Variants in TBCE observed in about 807,000 individuals in gnomAD.
TBCE encodes the protein tubulin folding cofactor E, also known as tubulin-specific chaperone E.
In TBCE, 53 loss-of-function variants were observed where a neutral mutation model predicts 77.0. That is an observed-to-expected ratio of 0.69 (90% CI 0.55 to 0.87). The LOEUF is 0.87. Ranked by LOEUF, TBCE falls within the 40% of genes least tolerant of loss-of-function variation. The pLI, the probability that TBCE is intolerant of heterozygous loss-of-function variation, is 0.00. For missense variants in TBCE, 624 were observed against 622.4 expected, an observed-to-expected ratio of 1.00 and a Z score of -0.03; for synonymous variants, 235 against 241.3, an observed-to-expected ratio of 0.97 and a Z score of 0.24.
chr1:235,379,486 C>T (rs1372220335), intron 1 of TBCE, among the ~76,000 whole-genome samples: 1 of 152,054 alleles, frequency 6.6e-6, no homozygotes, highest in African/African-American at 2.4e-5. Context: ...CGAGATCGTG[C>T]CACAGCACTC....
At chr1:235,435,463 T>C (rs1303129286) in intron 8 of TBCE, among the ~76,000 whole-genome samples, 1 of 152,194 alleles carries the variant, frequency 6.6e-6, no homozygotes, top group African/African-American at 2.4e-5. Context: ...TGAAGTTTTA[T>C]AAGAAATGAT....
At chr1:235,405,653 TAGA>T (rs1485873261) in intron 3 of TBCE, among the ~76,000 whole-genome samples, 4 of 150,990 alleles carry the variant, frequency 2.6e-5, no homozygotes, top group Admixed American at 6.6e-5. Flanking sequence ...AAAGAAAAAA[TAGA>T]AGGAGTACAC....
At chr1:235,400,089 A>G (rs1472067423) in intron 2 of TBCE, among the ~76,000 whole-genome samples, 1 of 152,288 alleles carries the variant, frequency 6.6e-6, no homozygotes, top group Middle Eastern at 3.4e-3. Flanking sequence ...TAAAATATGC[A>G]TCTCTGGTTT....
chr1:235,447,893 T>TACTTGGGTAAAGTGACTTGGGTAAAGTG (rs551030877), intron 15 of TBCE, among the ~76,000 whole-genome samples: 150 of 152,234 alleles, frequency 9.9e-4, no homozygotes, highest in African/African-American at 3.5e-3. Context: ...CCTAATTACT[T>TACTTGGGTAAAGTGACTTGGGTAAAGTG]ACTTGGGTAA....
At chr1:235,387,848 A>G (rs1344215448) in intron 2 of TBCE, among the ~76,000 whole-genome samples, 2 of 152,190 alleles carry the variant, frequency 1.3e-5, no homozygotes, top group African/African-American at 4.8e-5. Context: ...GCCAGTCTGT[A>G]AAGTGAAAAC....
intron 1 of TBCE, among the ~76,000 whole-genome samples, chr1:235,377,943 TC>T (rs770602608): frequency 2.2e-4 from 34 of 151,360 alleles, no homozygotes; most frequent in Non-Finnish European, 4.3e-4. Context: ...GAGCCACCAC[TC>T]CCCTTCCATC....
chr1:235,403,279 T>C (rs1679234363), intron 3 of TBCE, among the ~76,000 whole-genome samples: 1 of 152,130 alleles, frequency 6.6e-6, no homozygotes, highest in South Asian at 2.1e-4. Flanking sequence ...TGATCTTGGC[T>C]CACTGCAACC....
intron 3 of TBCE, among the ~76,000 whole-genome samples, chr1:235,412,111 TC>T (rs1679815496): frequency 7.9e-6 from 1 of 125,880 alleles, no homozygotes; most frequent in Non-Finnish European, 1.7e-5. Flanking sequence ...CCCATCCCTT[TC>T]CCTTCCCATC....
intron 1 of TBCE, among the ~76,000 whole-genome samples, chr1:235,379,573 G>A (rs573540468): frequency 6.6e-6 from 1 of 151,816 alleles, no homozygotes; most frequent in African/African-American, 2.4e-5. Context: ...TAGCGCAAAT[G>A]TATCGTTTGA....
chr1:235,381,508 C>A (rs1677637423), intron 2 of TBCE, among the ~76,000 whole-genome samples: 1 of 151,564 alleles, frequency 6.6e-6, no homozygotes, highest in Non-Finnish European at 1.5e-5. Context: ...CACGGTGAAA[C>A]CCCATCTCCA....
intron 3 of TBCE, among the ~76,000 whole-genome samples, chr1:235,412,476 C>T (rs927285141): frequency 2.9e-4 from 44 of 150,980 alleles, no homozygotes; most frequent in African/African-American, 1.0e-3. Flanking sequence ...GTGATCTGCC[C>T]ACCTCAGCCT....
intron 15 of TBCE, among the ~76,000 whole-genome samples, chr1:235,445,956 G>C (rs1434170071): frequency 6.6e-6 from 1 of 152,176 alleles, no homozygotes; most frequent in East Asian, 1.9e-4. Flanking sequence ...GCGCTGTCCA[G>C]TGTGGCTGCA....
At chr1:235,419,248 A>T in intron 4 of TBCE, 1 of 629,170 alleles carries the variant, frequency 1.6e-6, no homozygotes, top group Non-Finnish European at 2.7e-6. Context: ...TAGAGGGAGA[A>T]TTGTGTTTGG....
intron 1 of TBCE, among the ~76,000 whole-genome samples, chr1:235,369,667 A>C (rs28409510): frequency 6.4e-5 from 9 of 140,626 alleles, no homozygotes; most frequent in Non-Finnish European, 3.1e-5. Flanking sequence ...ACTAAAAAAA[A>C]ACACAAAAAA....
At chr1:235,436,105 T>G in intron 9 of TBCE, 2 of 601,858 alleles carry the variant, frequency 3.3e-6, no homozygotes, top group Non-Finnish European at 5.9e-6. Flanking sequence ...TCTTCATTCA[T>G]TAAACTCCGG....
At chr1:235,440,205 T>C (rs538404991) in intron 13 of TBCE, among the ~76,000 whole-genome samples, 370 of 151,856 alleles carry the variant, frequency 2.4e-3, no homozygotes, top group Non-Finnish European at 4.3e-3. Flanking sequence ...CTCCTGACCT[T>C]GTGATCCACC....
At chr1:235,385,067 A>G (rs1232360737) in intron 2 of TBCE, among the ~76,000 whole-genome samples, 2 of 151,866 alleles carry the variant, frequency 1.3e-5, no homozygotes, top group East Asian at 1.9e-4. Flanking sequence ...TCTTCATTTC[A>G]TTATGTACCC....
rs28435104 is a variant in TBCE at position 235,370,738 on chromosome 1, G to T, written c.-32+3234G>T. ...ATATTTTTATGCTTTTTTCCTCCTT[G>T]TCTTTTCTTTTTTTTTTTTTTGAGA... On this transcript the variant is annotated intron_variant, in intron 1 of 16. Transcript: ENST00000642610. Among the ~76,000 whole-genome samples, 234 of 27,050 alleles carry T rather than the reference G, an allele frequency of 8.7e-3. 2 individuals carry two copies. The highest frequency in any genetic ancestry group is 0.011 in the East Asian group (5 of 442). 17.7% of individuals were successfully genotyped at this position (27,050 alleles called of 152,430 possible).
intron 1 of TBCE, among the ~76,000 whole-genome samples, chr1:235,376,347 T>A (rs1048857851): frequency 2.6e-5 from 4 of 152,170 alleles, no homozygotes; most frequent in Non-Finnish European, 4.4e-5. Context: ...CAAGCCATTC[T>A]CACTGTTAGC....
Sources: gnomAD v4.1 joint callset for allele counts (sites outside exome capture counted in the v4.1 genomes callset) on GRCh38, gnomAD v4.1.1 for gene constraint, MANE v1.5 for transcripts, NCBI Gene and HGNC (gene_info 2026-07-23, HGNC 2026-07-21) for gene names.